The following C1orf159 variants were observed in gnomAD, a reference collection of about 807,000 sequenced individuals.
The protein encoded by C1orf159 is chromosome 1 open reading frame 159, also known as uncharacterized protein C1orf159.
C1orf159 carries 19 observed loss-of-function variants against 25.6 expected under a neutral mutation model. The observed-to-expected ratio is 0.74, with a 90% CI of 0.52 to 1.09. The LOEUF (loss-of-function observed/expected upper bound fraction) is 1.09. C1orf159 is among the 50% of genes least tolerant of loss of function. The probability of loss-of-function intolerance (pLI) is 0.00; values close to 1 mark genes in which losing one functional copy is unlikely to be tolerated. For missense variants in C1orf159, 274 were observed against 290.6 expected (o/e 0.94, Z 0.42); for synonymous variants, 139 against 124.7 (o/e 1.12, Z -0.77).
intron 9 of C1orf159, 64 bp from the exon 10 acceptor site, chr1:1,083,051 T>A: frequency 7.3e-7 from 1 of 1,377,550 alleles, no homozygotes; most frequent in Non-Finnish European, 9.9e-7. Context: ...AGTGCAGGCC[T>A]CAGCCCTCAC....
At chr1:1,114,083 AT>A (rs1401631725) in intron 1 of C1orf159, among the ~76,000 whole-genome samples, 1 of 151,792 alleles carries the variant, frequency 6.6e-6, no homozygotes, top group East Asian at 1.9e-4. Context: ...TGCCCGGCTA[AT>A]TTTTGTATTT....
intron 1 of C1orf159, among the ~76,000 whole-genome samples, chr1:1,102,688 C>G (rs1646119071): frequency 6.9e-6 from 1 of 145,758 alleles, no homozygotes; most frequent in South Asian, 2.3e-4. Context: ...GTCCCAGCTA[C>G]TCAGGAGGCT....
chr1:1,088,511 C>T (rs578139513), intron 4 of C1orf159, among the ~76,000 whole-genome samples: 2 of 150,652 alleles, frequency 1.3e-5, no homozygotes, highest in South Asian at 2.1e-4. Flanking sequence ...CACCCTCCCC[C>T]GGGTCTCTCT....
At position 1,089,121 on chromosome 1, in the gene C1orf159, C is replaced by G. The variant is rs537137657; in HGVS notation, c.148+1232G>C. On this transcript the variant is annotated intron_variant, in intron 4 of 9. Transcript: ENST00000421241. The surrounding 1 kb of genome is among the most constrained non-coding windows in gnomAD (Gnocchi z 7.5). ...AGACGTGACCTGGCTTGGGGCCGCA[C>G]GCAGGGGGAAGCGTATCCAACACCG... Among the ~76,000 whole-genome samples the G allele has an allele frequency of 1.3e-5, 2 of 152,158 alleles. No individual in the cohort carries two copies. The highest frequency in any genetic ancestry group is 4.8e-5 in the African/African-American group (2 of 41,432).
intron 1 of C1orf159, among the ~76,000 whole-genome samples, chr1:1,114,359 T>C (rs989398814): frequency 1.3e-5 from 2 of 152,312 alleles, no homozygotes; most frequent in South Asian, 2.1e-4. Flanking sequence ...TTTTATTTTT[T>C]ATAGAGACGA....
chr1:1,111,834 C>G (rs1192241802), intron 1 of C1orf159, among the ~76,000 whole-genome samples: 1 of 152,198 alleles, frequency 6.6e-6, no homozygotes, highest in Non-Finnish European at 1.5e-5. Context: ...TCGTAGCAAG[C>G]AAAGGAAGCC....
chr1:1,085,359 G>A (rs751982113), intron 7 of C1orf159: 39 of 344,686 alleles, frequency 1.1e-4, no homozygotes, highest in Non-Finnish European at 2.0e-4. Context: ...ACCCGCCCCC[G>A]CCTGAAGGCA....
chr1:1,103,702 G>A (rs868039652), intron 1 of C1orf159, among the ~76,000 whole-genome samples: 1 of 152,076 alleles, frequency 6.6e-6, no homozygotes, highest in Non-Finnish European at 1.5e-5. Flanking sequence ...GCCTGCTCCT[G>A]GAACAAGGAA....
intron 1 of C1orf159, among the ~76,000 whole-genome samples, chr1:1,095,476 T>C (rs1426630613): frequency 6.6e-6 from 1 of 152,266 alleles, no homozygotes; most frequent in Non-Finnish European, 1.5e-5. Context: ...TTCCGATAGT[T>C]TGCTGCTACT....
At chr1:1,088,203 C>A (rs1178134486) in intron 4 of C1orf159, among the ~76,000 whole-genome samples, 2 of 100,468 alleles carry the variant, frequency 2.0e-5, no homozygotes, top group Admixed American at 9.4e-5. Context: ...CCCCAGGACC[C>A]CCCCCCCATG....
chr1:1,090,882 T>G (rs1401002187), intron 3 of C1orf159: 2 of 1,549,870 alleles, frequency 1.3e-6, no homozygotes, highest in African/African-American at 2.7e-5. Context: ...TTACGGTGTG[T>G]GTGAGGGCCC....
intron 7 of C1orf159, chr1:1,085,238 G>A: frequency 2.4e-6 from 1 of 423,944 alleles, no homozygotes; most frequent in Non-Finnish European, 4.8e-6. Flanking sequence ...TCACAGTCTG[G>A]CCAAGTGCTC....
chr1:1,103,581 G>GGGGT (rs1449269071), intron 1 of C1orf159, among the ~76,000 whole-genome samples: 1 of 152,068 alleles, frequency 6.6e-6, no homozygotes, highest in Non-Finnish European at 1.5e-5. Flanking sequence ...GCAGGGGTCA[G>GGGGT]GGGTCTGCCA....
chr1:1,103,938 C>G (rs1045955770), intron 1 of C1orf159, among the ~76,000 whole-genome samples: 6 of 152,086 alleles, frequency 3.9e-5, no homozygotes, highest in African/African-American at 1.4e-4. Flanking sequence ...GTCTCAGCCT[C>G]CCAAAATCCT....
In C1orf159 at chr1:1,082,869, C is replaced by G. The variant is rs146399370; in HGVS notation, c.*24G>C. 22 of 1,560,200 alleles carry G rather than the reference C, an allele frequency of 1.4e-5. No homozygotes were observed. In the Admixed American group the frequency reaches 2.2e-4, roughly 16 times the overall value. On this transcript the variant is annotated 3_prime_UTR_variant, in exon 10 of 10. Coordinates refer to ENST00000421241, the MANE Select transcript of C1orf159 (RefSeq NM_017891.5). ...GCCTCCGGGTCCCTGCCGCCAAGTG[C>G]GTGGCGTGGTCTCGGCCTCCAGGTC...
chr1:1,090,343 A>G lies in C1orf159; in HGVS notation c.148+10T>C. On this transcript the variant is annotated intron_variant, in intron 4 of 9. Coordinates refer to ENST00000421241, the MANE Select transcript of C1orf159 (RefSeq NM_017891.5). ...CCGGTCTGGAATCTGCTTGGGACAA[A>G]GCGGCTTACCTGGACCACACAGACT... is the stretch of plus-strand genomic sequence containing the variant. The G allele has an allele frequency of 1.9e-6, 3 of 1,550,480 alleles. No homozygotes were observed. The highest frequency in any genetic ancestry group is 2.6e-6 in the Non-Finnish European group (3 of 1,146,926).
At chr1:1,091,214 G>A (rs1645927420) in intron 3 of C1orf159, 2 of 615,886 alleles carry the variant, frequency 3.2e-6, no homozygotes, top group South Asian at 2.0e-5. Context: ...TGCTCCCATT[G>A]CGGGCCAGGA....
At chr1:1,094,407 T>C (rs1645982352) in intron 1 of C1orf159, among the ~76,000 whole-genome samples, 1 of 151,002 alleles carries the variant, frequency 6.6e-6, no homozygotes, top group Non-Finnish European at 1.5e-5. Context: ...GTTTGTCTTA[T>C]CATCTTTTTT....
At chr1:1,091,429 G>T (rs1164076094) in intron 3 of C1orf159, 43 bp downstream of exon 3, 11 of 1,518,430 alleles carry the variant, frequency 7.2e-6, no homozygotes, top group Non-Finnish European at 8.9e-6. Context: ...CCTCCACAGA[G>T]GCTCTGGCTT....
Sources: gnomAD v4.1 joint callset for allele counts (sites outside exome capture counted in the v4.1 genomes callset) on GRCh38, gnomAD v4.1.1 for gene constraint, Gnocchi (gnomAD v3.1) non-coding constraint, MANE v1.5 for transcripts, NCBI Gene and HGNC (gene_info 2026-07-23, HGNC 2026-07-21) for gene names.